NEDD4L: variants seen among roughly 807,000 people sequenced by gnomAD.
The protein encoded by NEDD4L is NEDD4 like E3 ubiquitin protein ligase.
Under a neutral mutation model 148.9 loss-of-function variants are expected in NEDD4L, and 54 were observed. The observed-to-expected ratio is 0.36, with a 90% CI of 0.29 to 0.45. The LOEUF is 0.45. NEDD4L is among the 20% of genes least tolerant of loss of function. The pLI, the probability that NEDD4L is intolerant of heterozygous loss-of-function variation, is 1.00. For synonymous variants in NEDD4L, 433 were observed against 440.7 expected (o/e 0.98, Z 0.22); for missense variants, 856 against 1,233.8 (o/e 0.69, Z 4.59).
intron 6 of NEDD4L, among the ~76,000 whole-genome samples, chr18:58,316,293 G>C (rs1267344012): frequency 6.6e-6 from 1 of 152,152 alleles, no homozygotes; most frequent in Non-Finnish European, 1.5e-5. Flanking sequence ...CTGCACTTCA[G>C]CTGCTCCACC....
chr18:58,044,761 G>A lies in NEDD4L; in HGVS notation c.48+53G>A, dbSNP rs1357410087. The stretch of plus-strand genomic sequence containing the variant: ...ACTCCCCGGGGAGTTCCTATCCCGC[G>A]CCGGCAGGGGGAGGGGAAAGGGGCC... On this transcript the variant is annotated intron_variant, in intron 1 of 30. Coordinates refer to ENST00000400345, the MANE Select transcript of NEDD4L (RefSeq NM_001144967.3). 5.7e-6 allele frequency: 9 copies of A among 1,583,838 alleles called. No homozygotes were observed. In the Admixed American group the frequency reaches 7.0e-5, roughly 12 times the overall value.
intron 5 of NEDD4L, among the ~76,000 whole-genome samples, chr18:58,298,279 A>T (rs1047679483): frequency 1.3e-5 from 2 of 152,188 alleles, no homozygotes; most frequent in Non-Finnish European, 2.9e-5. Flanking sequence ...GTTTTAAGGG[A>T]ACCTGAATTT....
intron 1 of NEDD4L, among the ~76,000 whole-genome samples, chr18:58,074,839 G>C (rs1168640773): frequency 6.6e-6 from 1 of 152,014 alleles, no homozygotes; most frequent in Non-Finnish European, 1.5e-5. Context: ...AAGATACAGG[G>C]GTATCTAGGC....
chr18:58,361,667 C>T (rs776303873), intron 19 of NEDD4L, among the ~76,000 whole-genome samples: 11 of 152,196 alleles, frequency 7.2e-5, no homozygotes, highest in East Asian at 1.9e-4. Flanking sequence ...CAATGTCTCC[C>T]GGCCAGTGAT....
intron 16 of NEDD4L, among the ~76,000 whole-genome samples, chr18:58,348,525 C>G (rs1043649107): frequency 4.6e-5 from 7 of 151,734 alleles, no homozygotes; most frequent in Non-Finnish European, 8.8e-5. Context: ...AACGGAGTTT[C>G]ACCATGTTGG....
chr18:58,064,462 G>T (rs1163804410), intron 1 of NEDD4L, among the ~76,000 whole-genome samples: 3 of 152,136 alleles, frequency 2.0e-5, no homozygotes, highest in Non-Finnish European at 4.4e-5. Context: ...TATCATCTGT[G>T]CTCAGGAAGT....
At chr18:58,382,013 T>C (rs1015064467) in intron 24 of NEDD4L, among the ~76,000 whole-genome samples, 1 of 152,196 alleles carries the variant, frequency 6.6e-6, no homozygotes, top group African/African-American at 2.4e-5. Context: ...AAATTCACAT[T>C]GGGCACAGTG....
Position 58,396,376 on chromosome 18 carries a change from A to G in NEDD4L, c.*107A>G, listed in dbSNP as rs561565164. On this transcript the variant is annotated 3_prime_UTR_variant, in exon 31 of 31. Transcript: ENST00000400345. ...GCGATGGCAGAGAGCAGCTGCAGGCATGGTCCCTGGAGCCGAGCCTTCACC... is the reference window on the plus strand; with the variant it reads ...GCGATGGCAGAGAGCAGCTGCAGGCGTGGTCCCTGGAGCCGAGCCTTCACC... 341 of 740,840 alleles carry G rather than the reference A, an allele frequency of 4.6e-4. No individual in the cohort carries two copies. The highest frequency in any genetic ancestry group is 6.9e-4 in the Non-Finnish European group (296 of 428,868). 45.9% of individuals were successfully genotyped at this position (740,840 alleles called of 1,614,324 possible).
At chr18:58,095,966 A>G (rs1220631691) in intron 1 of NEDD4L, among the ~76,000 whole-genome samples, 2 of 151,248 alleles carry the variant, frequency 1.3e-5, no homozygotes, top group Non-Finnish European at 2.9e-5. Context: ...GTGTTAGTGT[A>G]TTTTATGTGT....
intron 5 of NEDD4L, among the ~76,000 whole-genome samples, chr18:58,302,509 C>T (rs910733941): frequency 2.0e-5 from 3 of 152,176 alleles, no homozygotes; most frequent in Non-Finnish European, 2.9e-5. Context: ...CATTGGAGAC[C>T]AGATGAATTG....
intron 2 of NEDD4L, chr18:58,195,745 C>A (rs142508613): frequency 1.5e-6 from 2 of 1,341,018 alleles, no homozygotes; most frequent in Non-Finnish European, 2.0e-6. Flanking sequence ...TAAGTGCCAC[C>A]GAAGGTTCCG....
rs11659306 is a variant in NEDD4L at position 58,065,930 on chromosome 18, C to A, written c.48+21222C>A. 2.7e-3 allele frequency among the ~76,000 whole-genome samples: 418 copies of A among 152,266 alleles called. 2 individuals carry two copies. The highest frequency in any genetic ancestry group is 5.0e-3 in the Non-Finnish European group (343 of 68,030). On this transcript the variant is annotated intron_variant, in intron 1 of 30. Transcript: ENST00000400345. ...TTGAGGAGGGTATTGAATGATAGCT[C>A]ACTGCTTAAATAAGTGTTTAGAGTC...
intron 5 of NEDD4L, among the ~76,000 whole-genome samples, chr18:58,309,433 C>T (rs912797253): frequency 6.6e-6 from 1 of 152,204 alleles, no homozygotes; most frequent in Non-Finnish European, 1.5e-5. Context: ...TGGCAGAACT[C>T]TGTTGTCCTA....
intron 16 of NEDD4L, among the ~76,000 whole-genome samples, chr18:58,344,497 C>T (rs529818876): frequency 6.6e-6 from 1 of 152,316 alleles, no homozygotes; most frequent in South Asian, 2.1e-4. Flanking sequence ...AAGTGAGAAC[C>T]ACTCTAAGAG....
chr18:58,293,557 T>A (rs1659399861), intron 5 of NEDD4L, among the ~76,000 whole-genome samples: 1 of 152,250 alleles, frequency 6.6e-6, no homozygotes, highest in Admixed American at 6.5e-5. Flanking sequence ...AACCATGCGC[T>A]ATGATCATGT....
intron 2 of NEDD4L, among the ~76,000 whole-genome samples, chr18:58,208,299 C>G (rs2042171753): frequency 6.6e-6 from 1 of 152,140 alleles, no homozygotes. Flanking sequence ...AGTATTTGCT[C>G]TAACTAACAG....
At chr18:58,250,957 A>G (rs943388770) in intron 4 of NEDD4L, among the ~76,000 whole-genome samples, 1 of 152,184 alleles carries the variant, frequency 6.6e-6, no homozygotes, top group Non-Finnish European at 1.5e-5. Context: ...AAGCAAAAAG[A>G]TATGGAAAGC....
At chr18:58,092,557 A>C (rs1464652331) in intron 1 of NEDD4L, among the ~76,000 whole-genome samples, 2 of 152,016 alleles carry the variant, frequency 1.3e-5, no homozygotes, top group Non-Finnish European at 2.9e-5. Flanking sequence ...TTGTATGAGG[A>C]ATCTTGATAA....
chr18:58,338,947 A>G (rs1427782158), intron 13 of NEDD4L, among the ~76,000 whole-genome samples: 1 of 152,236 alleles, frequency 6.6e-6, no homozygotes, highest in Non-Finnish European at 1.5e-5. Context: ...CCTGGTTGCT[A>G]GAATTCATAC....
Sources: allele counts gnomAD v4.1 joint callset (sites outside exome capture counted in the v4.1 genomes callset), GRCh38; gene constraint gnomAD v4.1.1; transcripts MANE v1.5; gene names NCBI Gene and HGNC (gene_info 2026-07-23, HGNC 2026-07-21).